The following MAGI2 variants were observed in gnomAD, a reference collection of about 807,000 sequenced individuals.
The protein encoded by MAGI2 is membrane associated guanylate kinase, WW and PDZ domain containing 2.
MAGI2 carries 35 observed loss-of-function variants against 133.3 expected under a neutral mutation model. The observed-to-expected ratio is 0.26, with a 90% CI of 0.20 to 0.35. The LOEUF is 0.35. Ranked by LOEUF, MAGI2 falls within the 10% of genes least tolerant of loss-of-function variation. The pLI is 1.00. For missense variants in MAGI2, 1,636 were observed against 1,863.4 expected (o/e 0.88, Z 2.25); for synonymous variants, 729 against 710.6 (o/e 1.03, Z -0.41).
At chr7:78,538,283 T>C (rs886321984) in intron 3 of MAGI2, among the ~76,000 whole-genome samples, 3 of 152,212 alleles carry the variant, frequency 2.0e-5, no homozygotes, top group Non-Finnish European at 4.4e-5. Context: ...TTTGTTCTTT[T>C]TGCTTAGTCT....
chr7:78,187,088 T>G (rs1827766462), intron 12 of MAGI2, among the ~76,000 whole-genome samples: 1 of 152,164 alleles, frequency 6.6e-6, no homozygotes, highest in African/African-American at 2.4e-5. Context: ...ATGTTAAGTT[T>G]ACCATATTGT....
intron 3 of MAGI2, among the ~76,000 whole-genome samples, chr7:78,543,233 T>A (rs1390586457): frequency 6.6e-6 from 1 of 152,198 alleles, no homozygotes; most frequent in Non-Finnish European, 1.5e-5. Flanking sequence ...AAAAAGGAAC[T>A]TTGAATAGGT....
At chr7:78,461,944 A>AG in intron 6 of MAGI2, among the ~76,000 whole-genome samples, 1 of 94,282 alleles carries the variant, frequency 1.1e-5, no homozygotes, top group East Asian at 3.2e-4. Flanking sequence ...AAAAAAAAAA[A>AG]AAAGAAAGAA....
intron 2 of MAGI2, among the ~76,000 whole-genome samples, chr7:78,703,627 C>T (rs1818299866): frequency 6.6e-6 from 1 of 151,966 alleles, no homozygotes; most frequent in Non-Finnish European, 1.5e-5. Context: ...AATCACAAGC[C>T]AATTGCTTCA....
intron 2 of MAGI2, among the ~76,000 whole-genome samples, chr7:78,984,996 CTTTTTTTT>C (rs142419894): frequency 2.1e-5 from 3 of 140,826 alleles, no homozygotes; most frequent in Non-Finnish European, 4.7e-5. Flanking sequence ...TTCTTCTTTC[CTTTTTTTT>C]TTTTTTTATT....
chr7:78,078,994 C>G lies in MAGI2; in HGVS notation c.3659G>C (p.Arg1220Pro). 1.2e-6 allele frequency: 2 copies of G among 1,613,902 alleles called. No homozygotes were observed. Among genetic ancestry groups the G allele is most frequent in the Non-Finnish European group, 1.7e-6 (2 of 1,179,972 alleles). Residue 1220 changes from arginine to proline, a missense_variant, in exon 21 of 22, where the codon CGA becomes CCA. Physicochemically the swap from Arg to Pro is moderately radical, Grantham distance 103. This residue lies in a region of MAGI2 where 49 missense variants were observed against 103.8 expected (regional missense o/e 0.47). Coordinates refer to ENST00000354212, the MANE Select transcript of MAGI2 (RefSeq NM_012301.4). ...AIELIKSGGR[R>P]VRLLLKRGTG... is the part of the protein sequence containing the mutation. ...GCCTCTCTTGAGCAGCAGCCTCACT[C>G]GTCTTCCTCCAGATTTGATGAGTTC...
At chr7:78,035,677 C>T (rs1810139301) in intron 21 of MAGI2, among the ~76,000 whole-genome samples, 1 of 151,986 alleles carries the variant, frequency 6.6e-6, no homozygotes, top group South Asian at 2.1e-4. Flanking sequence ...GGCTTCCACT[C>T]TTCAGCCCAG....
At chr7:78,321,084 G>A (rs544992106) in intron 9 of MAGI2, among the ~76,000 whole-genome samples, 10 of 152,074 alleles carry the variant, frequency 6.6e-5, no homozygotes, top group Non-Finnish European at 1.5e-4. Context: ...ACCTCTTCAA[G>A]GAGAACTACA....
At position 79,279,961 on chromosome 7, in the gene MAGI2, C is replaced by T. The variant is rs909026702; in HGVS notation, c.301+173059G>A. 5.9e-5 allele frequency among the ~76,000 whole-genome samples: 9 copies of T among 152,148 alleles called. No homozygotes were observed. In the East Asian group the frequency reaches 1.5e-3, roughly 26 times the overall value. Reference sequence around the variant, plus strand: ...ATAATTAAAGTGATGACATTGAATGCATATATTTCTATCTGTAGTCTGGAA... The same window carrying T: ...ATAATTAAAGTGATGACATTGAATGTATATATTTCTATCTGTAGTCTGGAA... On this transcript the variant is annotated intron_variant, in intron 1 of 21. Transcript: ENST00000354212.
At chr7:78,499,071 A>G (rs528718977) in intron 5 of MAGI2, among the ~76,000 whole-genome samples, 1 of 151,870 alleles carries the variant, frequency 6.6e-6, no homozygotes, top group African/African-American at 2.4e-5. Context: ...CAACAACAAC[A>G]ACAACAACAA....
intron 1 of MAGI2, among the ~76,000 whole-genome samples, chr7:79,076,010 T>C (rs763214767): frequency 3.9e-5 from 6 of 152,180 alleles, no homozygotes; most frequent in Non-Finnish European, 8.8e-5. Flanking sequence ...ACATACTAAT[T>C]GGCTAAAGAT....
At chr7:78,749,034 G>T (rs778891914) in intron 2 of MAGI2, among the ~76,000 whole-genome samples, 1 of 152,194 alleles carries the variant, frequency 6.6e-6, no homozygotes, top group Non-Finnish European at 1.5e-5. Flanking sequence ...TTTAAGGCAT[G>T]GTTGTGGGAG....
chr7:78,771,759 A>G (rs1241150132), intron 2 of MAGI2, among the ~76,000 whole-genome samples: 1 of 152,176 alleles, frequency 6.6e-6, no homozygotes, highest in East Asian at 1.9e-4. Flanking sequence ...TGTAAAAGAC[A>G]ATAAAAATAA....
intron 10 of MAGI2, among the ~76,000 whole-genome samples, chr7:78,202,394 TAA>T (rs1439531416): frequency 6.6e-6 from 1 of 152,050 alleles, no homozygotes; most frequent in Non-Finnish European, 1.5e-5. Context: ...TGAAAAGAAT[TAA>T]ACTGGGCCGG....
intron 1 of MAGI2, among the ~76,000 whole-genome samples, chr7:79,135,232 A>C (rs1821285535): frequency 6.6e-6 from 1 of 151,968 alleles, no homozygotes; most frequent in African/African-American, 2.4e-5. Flanking sequence ...TGTAGGAAAA[A>C]AAACAGTATC....
intron 2 of MAGI2, among the ~76,000 whole-genome samples, chr7:78,915,101 C>T (rs776127326): frequency 6.6e-6 from 1 of 152,080 alleles, no homozygotes; most frequent in Non-Finnish European, 1.5e-5. Flanking sequence ...ATTATCTCCA[C>T]CTGAATAGAG....
At chr7:78,796,707 A>G (rs933487815) in intron 2 of MAGI2, among the ~76,000 whole-genome samples, 2 of 152,156 alleles carry the variant, frequency 1.3e-5, no homozygotes, top group Admixed American at 6.6e-5. Flanking sequence ...ACTGTTCACA[A>G]TAGCCAAGAT....
intron 6 of MAGI2, among the ~76,000 whole-genome samples, chr7:78,390,221 G>T (rs1795772379): frequency 6.6e-6 from 1 of 152,054 alleles, no homozygotes. Context: ...ATAAATGAAA[G>T]TGCCCAATAT....
At chr7:78,738,625 T>G (rs1451645097) in intron 2 of MAGI2, among the ~76,000 whole-genome samples, 1 of 152,214 alleles carries the variant, frequency 6.6e-6, no homozygotes, top group Non-Finnish European at 1.5e-5. Context: ...GTAATGAATT[T>G]ATTAGCAGTT....
Sources: gnomAD v4.1 joint callset for allele counts (sites outside exome capture counted in the v4.1 genomes callset) on GRCh38, gnomAD v4.1.1 for gene constraint, gnomAD v4.1.1 regional missense constraint, MANE v1.5 for transcripts, NCBI Gene and HGNC (gene_info 2026-07-23, HGNC 2026-07-21) for gene names.